SBF2: variants seen among roughly 807,000 people sequenced by gnomAD.
SBF2 encodes SET binding factor 2.
SBF2 carries 112 observed loss-of-function variants against 225.2 expected under a neutral mutation model. The ratio of observed to expected loss-of-function variants is 0.50; its 90% CI spans 0.43 to 0.58. The LOEUF (loss-of-function observed/expected upper bound fraction) is 0.58. Among genes scored for constraint, SBF2 ranks in the 20% least tolerant of loss-of-function variants. The pLI is 0.00. For synonymous variants in SBF2, 763 were observed against 773.3 expected (o/e 0.99, Z 0.22); for missense variants, 1,996 against 2,206.2 (o/e 0.90, Z 1.91).
chr11:9,992,171 G>A (rs751701078), intron 12 of SBF2, among the ~76,000 whole-genome samples: 2 of 152,008 alleles, frequency 1.3e-5, no homozygotes, highest in African/African-American at 2.4e-5. Context: ...AGTATACATT[G>A]TTCAATTATT....
At position 9,891,029 on chromosome 11, in the gene SBF2, G is replaced by A. The variant is rs1860764088; in HGVS notation, c.1929+4914C>T. ...TGGGCACCTGTAATCCCGGCTACTC[G>A]GGAGGCTGAGGTGGGAGAATCGCTT... On this transcript the variant is annotated intron_variant, in intron 17 of 39. Coordinates refer to ENST00000256190, the MANE Select transcript of SBF2 (RefSeq NM_030962.4). Among the ~76,000 whole-genome samples the A allele has an allele frequency of 2.6e-5, 4 of 152,190 alleles. No homozygotes were observed. In the South Asian group the frequency reaches 6.2e-4, roughly 24 times the overall value.
At chr11:9,807,870 C>A in intron 32 of SBF2, 130 bp downstream of exon 32, 1 of 855,322 alleles carries the variant, frequency 1.2e-6, no homozygotes. Context: ...AAGATTTCAG[C>A]ATGTCCTGTG....
At chr11:9,924,807 G>A (rs945656867) in intron 16 of SBF2, among the ~76,000 whole-genome samples, 3 of 152,018 alleles carry the variant, frequency 2.0e-5, no homozygotes, top group Non-Finnish European at 4.4e-5. Flanking sequence ...GGAATGAAGT[G>A]GCATGATCAC....
chr11:9,896,043 G>C lies in SBF2; in HGVS notation c.1861-32C>G, dbSNP rs879132851. The C allele has an allele frequency of 3.2e-6, 5 of 1,541,004 alleles. No individual in the cohort carries two copies. In the South Asian group the frequency reaches 4.5e-5, roughly 14 times the overall value. On this transcript the variant is annotated intron_variant, in intron 16 of 39. Coordinates refer to ENST00000256190, the MANE Select transcript of SBF2 (RefSeq NM_030962.4). ...GCAAAACAAAGACAAAAGAGCATTA[G>C]GATATTTACCAGAAATCACAAATAC...
intron 2 of SBF2, among the ~76,000 whole-genome samples, chr11:10,193,510 A>G (rs1565341190): frequency 1.3e-5 from 2 of 151,770 alleles, no homozygotes; most frequent in African/African-American, 2.4e-5. Flanking sequence ...GCCCGCCACC[A>G]CGCCCGGCTA....
In SBF2 at chr11:10,049,357, A is replaced by G. The variant is rs992956260; in HGVS notation, c.142-6376T>C. Among the ~76,000 whole-genome samples, 6 of 152,324 alleles carry G rather than the reference A, an allele frequency of 3.9e-5. No individual in the cohort carries two copies. In the South Asian group the frequency reaches 1.2e-3, roughly 32 times the overall value. On this transcript the variant is annotated intron_variant, in intron 2 of 39. Coordinates refer to ENST00000256190, the MANE Select transcript of SBF2 (RefSeq NM_030962.4). The stretch of plus-strand genomic sequence containing the variant: ...TGCGATGGCTCACGCCTGTAACCCC[A>G]GCACTTTGGGAGGCTGAAGTGAGTG...
In SBF2 at chr11:10,090,832, T is replaced by C. The variant is rs1024630910; in HGVS notation, c.142-47851A>G. Among the ~76,000 whole-genome samples, 17 of 143,378 alleles carry C rather than the reference T, an allele frequency of 1.2e-4. No homozygotes were observed. The East Asian group carries it at 3.3e-3, about 27-fold the overall frequency. The allele number at this position is 143,378 out of a possible 152,430, so 94.1% of individuals were successfully genotyped here. On this transcript the variant is annotated intron_variant, in intron 2 of 39. Transcript: ENST00000256190. The stretch of plus-strand genomic sequence containing the variant: ...TAAACAATCAAAACAGTAATTCCCC[T>C]CTTCCTAAGTTCCAAGCATGAGGCC...
At chr11:10,000,786 T>A in intron 8 of SBF2, 128 bp downstream of exon 8, 2 of 633,564 alleles carry the variant, frequency 3.2e-6, no homozygotes, top group Non-Finnish European at 5.7e-6. Context: ...ATTTTTCTTC[T>A]ATCCAATCTT....
chr11:9,812,761 G>A (rs1854260546), intron 29 of SBF2, 53 bp from the exon 30 acceptor site: 9 of 1,584,218 alleles, frequency 5.7e-6, no homozygotes, highest in Non-Finnish European at 6.9e-6. Context: ...AGGTAAAAGA[G>A]TGATGTTTCC....
chr11:10,063,148 A>G lies in SBF2; in HGVS notation c.142-20167T>C, dbSNP rs114538007. Among the ~76,000 whole-genome samples the G allele has an allele frequency of 3.3e-3, 505 of 152,138 alleles. 4 individuals are homozygous for G. Among genetic ancestry groups the G allele is most frequent in the African/African-American group, 0.012 (481 of 41,524 alleles). Reference sequence around the variant, plus strand: ...AACATATGAACACAAAGAAGGAAATAACAGACACTGGGGTCTACTTGACAG... The same window carrying G: ...AACATATGAACACAAAGAAGGAAATGACAGACACTGGGGTCTACTTGACAG... On this transcript the variant is annotated intron_variant, in intron 2 of 39. Coordinates refer to ENST00000256190, the MANE Select transcript of SBF2 (RefSeq NM_030962.4).
At chr11:9,967,947 G>GTCTCTCTCTC (rs1214352340) in intron 14 of SBF2, among the ~76,000 whole-genome samples, 5 of 100,244 alleles carry the variant, frequency 5.0e-5, no homozygotes, top group Admixed American at 1.0e-4. Context: ...CTGTCTGTCT[G>GTCTCTCTCTC]TCTCTCTCTC....
At chr11:9,975,145 C>T (rs1461467256) in intron 13 of SBF2, among the ~76,000 whole-genome samples, 1 of 152,036 alleles carries the variant, frequency 6.6e-6, no homozygotes, top group East Asian at 1.9e-4. Context: ...ACCATATATT[C>T]CAGCCTCCCA....
intron 16 of SBF2, among the ~76,000 whole-genome samples, chr11:9,920,202 G>A (rs539698079): frequency 9.5e-4 from 137 of 143,628 alleles, no homozygotes; most frequent in African/African-American, 2.6e-3. Context: ...GTGTGTGTGT[G>A]TGTATATATA....
chr11:10,228,565 C>G (rs1958680985), intron 1 of SBF2, among the ~76,000 whole-genome samples: 1 of 152,178 alleles, frequency 6.6e-6, no homozygotes, highest in Non-Finnish European at 1.5e-5. Flanking sequence ...TTTTCTGCAT[C>G]TATTGAGATA....
chr11:10,228,870 T>A (rs1239984478), intron 1 of SBF2, among the ~76,000 whole-genome samples: 1 of 152,134 alleles, frequency 6.6e-6, no homozygotes, highest in African/African-American at 2.4e-5. Flanking sequence ...TTCCATTGAT[T>A]GGAATAGTTT....
chr11:10,137,111 C>CACATATA (rs1954402546), intron 2 of SBF2, among the ~76,000 whole-genome samples: 1 of 152,080 alleles, frequency 6.6e-6, no homozygotes, highest in Non-Finnish European at 1.5e-5. Context: ...CATATAAGTC[C>CACATATA]TGTATGTGTT....
At chr11:10,281,617 T>C (rs1963412299) in intron 1 of SBF2, among the ~76,000 whole-genome samples, 2 of 152,180 alleles carry the variant, frequency 1.3e-5, no homozygotes, top group African/African-American at 2.4e-5. Flanking sequence ...TTACCAATAG[T>C]GTTCCCCAAA....
In SBF2 at chr11:10,110,758, T is replaced by A. The variant is rs183360325; in HGVS notation, c.142-67777A>T. Among the ~76,000 whole-genome samples, 342 of 152,264 alleles carry A rather than the reference T, an allele frequency of 2.2e-3. 1 individual carries two copies. Among genetic ancestry groups the A allele is most frequent in the Non-Finnish European group, 3.3e-3 (226 of 67,980 alleles). ...TATTTCCTTTGCCCTCTACTAGAGA[T>A]CCTTCAAATGCTTAACAACTCTATT... On this transcript the variant is annotated intron_variant, in intron 2 of 39. Transcript: ENST00000256190.
At chr11:10,007,256 T>C (rs942677701) in intron 6 of SBF2, among the ~76,000 whole-genome samples, 4 of 152,064 alleles carry the variant, frequency 2.6e-5, no homozygotes, top group Admixed American at 6.5e-5. Flanking sequence ...AGAAGACGCT[T>C]TCTTTTTTCT....
Sources: gnomAD v4.1 joint callset for allele counts (sites outside exome capture counted in the v4.1 genomes callset) on GRCh38, gnomAD v4.1.1 for gene constraint, MANE v1.5 for transcripts, NCBI Gene and HGNC (gene_info 2026-07-23, HGNC 2026-07-21) for gene names.